Variants in VSTM4 observed in about 807,000 individuals in gnomAD.
VSTM4 encodes V-set and transmembrane domain containing 4, also known as V-set and transmembrane domain-containing protein 4.
Under a neutral mutation model 36.4 loss-of-function variants are expected in VSTM4, and 20 were observed. The observed-to-expected ratio is 0.55, with a 90% CI of 0.39 to 0.80. The LOEUF is 0.80. Among genes scored for constraint, VSTM4 ranks in the 30% least tolerant of loss-of-function variants. The pLI is 0.00. For synonymous variants in VSTM4, 182 were observed against 173.9 expected (o/e 1.05, Z -0.37); for missense variants, 392 against 404.5 (o/e 0.97, Z 0.26).
At chr10:49,040,546 A>C (rs1217298573) in intron 7 of VSTM4, among the ~76,000 whole-genome samples, 1 of 152,136 alleles carries the variant, frequency 6.6e-6, no homozygotes, top group East Asian at 1.9e-4. Flanking sequence ...TCGGCCTCCC[A>C]AATTGCTGGG....
intron 3 of VSTM4, among the ~76,000 whole-genome samples, chr10:49,080,990 G>T (rs1258272449): frequency 1.3e-5 from 2 of 152,190 alleles, no homozygotes; most frequent in Non-Finnish European, 2.9e-5. Context: ...AATTAGGAGA[G>T]AGGCTGCAGC....
chr10:49,115,501 C>T lies in VSTM4; in HGVS notation c.-16G>A, dbSNP rs919556403. The stretch of plus-strand genomic sequence containing the variant: ...GCAGCCGCATCTCCCCGCCGCCGCC[C>T]GGCGCTGTGACGCGGGAGAGCGCCG... On this transcript the variant is annotated 5_prime_UTR_variant, in exon 1 of 8. Coordinates refer to ENST00000332853, the MANE Select transcript of VSTM4 (RefSeq NM_001031746.5). 5.0e-6 allele frequency: 5 copies of T among 992,914 alleles called. No individual in the cohort carries two copies. The highest frequency in any genetic ancestry group is 6.2e-5 in the Admixed American group (1 of 16,178). The allele number at this position is 992,914 out of a possible 1,614,324, so 61.5% of individuals were successfully genotyped here.
intron 7 of VSTM4, among the ~76,000 whole-genome samples, chr10:49,031,114 C>CATAG (rs1843339761): frequency 1.3e-5 from 2 of 152,216 alleles, no homozygotes; most frequent in African/African-American, 4.8e-5. Context: ...TCTACTTCAA[C>CATAG]ATAGATGTTC....
chr10:49,114,589 T>TG (rs57575124), intron 1 of VSTM4, among the ~76,000 whole-genome samples: 2 of 151,290 alleles, frequency 1.3e-5, no homozygotes, highest in South Asian at 2.1e-4. Flanking sequence ...GTTCATGTTT[T>TG]TTTTTTTTAA....
chr10:49,065,747 T>C (rs73300987), intron 4 of VSTM4, among the ~76,000 whole-genome samples: 2,714 of 152,296 alleles, frequency 0.018, 52 homozygotes, highest in African/African-American at 0.048. Context: ...CAGCCCAAAC[T>C]GGCAACCTGT....
At chr10:49,105,111 CAG>C (rs541179689) in intron 2 of VSTM4, among the ~76,000 whole-genome samples, 1 of 125,256 alleles carries the variant, frequency 8.0e-6, no homozygotes, top group Non-Finnish European at 1.7e-5. Context: ...GAGAGAGAGA[CAG>C]AGAGAGATGG....
intron 4 of VSTM4, among the ~76,000 whole-genome samples, chr10:49,066,987 A>G (rs190711944): frequency 6.6e-6 from 1 of 152,312 alleles, no homozygotes; most frequent in Admixed American, 6.5e-5. Flanking sequence ...GAGAAGAAGG[A>G]ACAATACAAA....
At chr10:49,068,350 A>C (rs1354611890) in intron 4 of VSTM4, among the ~76,000 whole-genome samples, 1 of 152,154 alleles carries the variant, frequency 6.6e-6, no homozygotes, top group Non-Finnish European at 1.5e-5. Context: ...AGCAGCCTGG[A>C]GATCAGGAAT....
chr10:49,081,101 T>A (rs1325065268), intron 3 of VSTM4, among the ~76,000 whole-genome samples: 1 of 152,206 alleles, frequency 6.6e-6, no homozygotes, highest in Admixed American at 6.5e-5. Context: ...CAGACCAGGA[T>A]TTGTGGCAGG....
chr10:49,110,795 A>G (rs1844879562), intron 1 of VSTM4, among the ~76,000 whole-genome samples: 1 of 152,202 alleles, frequency 6.6e-6, no homozygotes, highest in Non-Finnish European at 1.5e-5. Flanking sequence ...CAACCCTGCC[A>G]GCACCTTGAT....
intron 1 of VSTM4, among the ~76,000 whole-genome samples, chr10:49,110,120 C>T (rs1480022695): frequency 1.3e-5 from 2 of 152,194 alleles, no homozygotes; most frequent in Non-Finnish European, 2.9e-5. Context: ...AGCCCCACCC[C>T]GCCCTCAAGA....
At chr10:49,085,891 T>A (rs77582989) in intron 3 of VSTM4, 64 bp downstream of exon 3, 22,205 of 1,042,534 alleles carry the variant, frequency 0.021, 1,245 homozygotes, top group African/African-American at 0.16. Flanking sequence ...AAGTATAATT[T>A]AAAAAAAAAG....
At chr10:49,030,872 A>G (rs1272340334) in intron 7 of VSTM4, among the ~76,000 whole-genome samples, 1 of 152,176 alleles carries the variant, frequency 6.6e-6, no homozygotes, top group Non-Finnish European at 1.5e-5. Context: ...AATGTCACCA[A>G]CATATGTTTT....
intron 4 of VSTM4, among the ~76,000 whole-genome samples, chr10:49,073,462 C>A (rs1184283745): frequency 1.3e-5 from 2 of 152,248 alleles, no homozygotes; most frequent in Non-Finnish European, 2.9e-5. Flanking sequence ...TGACCACTTA[C>A]ACCCCAGACA....
At chr10:49,051,176 C>A (rs1381399132) in intron 5 of VSTM4, among the ~76,000 whole-genome samples, 1 of 152,166 alleles carries the variant, frequency 6.6e-6, no homozygotes, top group East Asian at 1.9e-4. Flanking sequence ...AGTAGTTTCA[C>A]TCCCAAGTAT....
intron 4 of VSTM4, among the ~76,000 whole-genome samples, chr10:49,074,315 TCA>T (rs1458787418): frequency 2.6e-5 from 4 of 152,210 alleles, no homozygotes; most frequent in African/African-American, 9.7e-5. Context: ...ATAGTAGAGA[TCA>T]TTCCAAAATA....
chr10:49,066,246 G>A (rs758879910), intron 4 of VSTM4, among the ~76,000 whole-genome samples: 3 of 152,066 alleles, frequency 2.0e-5, no homozygotes, highest in Non-Finnish European at 2.9e-5. Flanking sequence ...CACCATCCTG[G>A]AGACCTGTCC....
chr10:49,104,820 G>C lies in VSTM4; in HGVS notation c.457+2774C>G, dbSNP rs562989564. ...ACAGAGAGATAGAGAGATACAGAGG[G>C]AGAGAGACACAGAGAGAGAGAGAGG... On this transcript the variant is annotated intron_variant, in intron 2 of 7. Transcript: ENST00000332853. Among the ~76,000 whole-genome samples the C allele has an allele frequency of 2.7e-5, 4 of 148,226 alleles. No homozygotes were observed. The East Asian group carries it at 5.8e-4, about 22-fold the overall frequency.
intron 7 of VSTM4, among the ~76,000 whole-genome samples, chr10:49,044,360 T>A (rs529307734): frequency 2.6e-5 from 2 of 76,704 alleles, no homozygotes; most frequent in South Asian, 3.6e-4. Context: ...GAAAAGAAAA[T>A]TAATGACAAG....
Sources: allele counts gnomAD v4.1 joint callset (sites outside exome capture counted in the v4.1 genomes callset), GRCh38; gene constraint gnomAD v4.1.1; transcripts MANE v1.5; gene names NCBI Gene and HGNC (gene_info 2026-07-23, HGNC 2026-07-21).